KMT2C: variants seen among roughly 807,000 people sequenced by gnomAD.
The protein encoded by KMT2C is lysine methyltransferase 2C.
Under a neutral mutation model 507.9 loss-of-function variants are expected in KMT2C, and 88 were observed. The observed-to-expected ratio is 0.17, with a 90% CI of 0.15 to 0.21. KMT2C has a LOEUF of 0.21. Among genes scored for constraint, KMT2C ranks in the 10% least tolerant of loss-of-function variants. KMT2C has a pLI of 1.00. For synonymous variants in KMT2C, 2,049 were observed against 2,080.8 expected, an observed-to-expected ratio of 0.98 and a Z score of 0.42; for missense variants, 4,954 against 5,957.8, an observed-to-expected ratio of 0.83 and a Z score of 5.55.
chr7:152,220,587 G>T lies in KMT2C; in HGVS notation c.3648C>A (p.Val1216=), dbSNP rs140917164. Residue 1216 remains valine, a synonymous_variant, in exon 23 of 59, where the codon GTC becomes GTA. Transcript: ENST00000262189. ...LKIINQNSVA[V]LQTPPDIQSE... is the part of the protein sequence containing the mutation. ...ATTGGATGTCTGGAGGGGTCTGAAG[G>T]ACGGCCACGCTATTCTGATTTATAA... 6.2e-7 allele frequency: 1 copy of T among 1,611,892 alleles called. No individual in the cohort carries two copies. The highest frequency in any genetic ancestry group is 1.1e-5 in the South Asian group (1 of 90,990).
intron 31 of KMT2C, among the ~76,000 whole-genome samples, chr7:152,191,563 G>A (rs916902283): frequency 7.2e-5 from 11 of 151,874 alleles, no homozygotes; most frequent in Admixed American, 4.6e-4. Flanking sequence ...AATTCTTCTC[G>A]TCCCAAATTT....
intron 54 of KMT2C, 91 bp downstream of exon 54, chr7:152,145,054 AGACAGCAG>A (rs1428615448): frequency 1.4e-6 from 2 of 1,472,636 alleles, no homozygotes; most frequent in Non-Finnish European, 1.8e-6. Context: ...ATACACAGCC[AGACAGCAG>A]GGTTTGTAAG....
At chr7:152,228,834 T>C (rs1339708209) in intron 18 of KMT2C, among the ~76,000 whole-genome samples, 3 of 152,202 alleles carry the variant, frequency 2.0e-5, no homozygotes, top group Non-Finnish European at 2.9e-5. Context: ...TAATTGGCTT[T>C]ATATACTCTG....
At chr7:152,213,151 T>C (rs1299131177) in intron 23 of KMT2C, among the ~76,000 whole-genome samples, 1 of 152,256 alleles carries the variant, frequency 6.6e-6, no homozygotes, top group African/African-American at 2.4e-5. Flanking sequence ...CAAAGTGATC[T>C]ACAGATTCAA....
At chr7:152,200,600 C>A (rs944276985) in intron 26 of KMT2C, among the ~76,000 whole-genome samples, 7 of 152,042 alleles carry the variant, frequency 4.6e-5, no homozygotes, top group Non-Finnish European at 8.8e-5. Flanking sequence ...CATGCGCCAA[C>A]ATGCCTGTAA....
chr7:152,400,332 C>T (rs1044431463), intron 1 of KMT2C, among the ~76,000 whole-genome samples: 5 of 152,014 alleles, frequency 3.3e-5, no homozygotes, highest in Admixed American at 6.6e-5. Flanking sequence ...AAAGAAAGAT[C>T]ACTAAAGCCG....
chr7:152,302,428 T>TG (rs2096577799), intron 6 of KMT2C, among the ~76,000 whole-genome samples: 1 of 151,984 alleles, frequency 6.6e-6, no homozygotes, highest in Non-Finnish European at 1.5e-5. Context: ...TTCATCACAT[T>TG]GGCCAGGCTG....
intron 16 of KMT2C, among the ~76,000 whole-genome samples, chr7:152,235,508 T>C (rs1359671504): frequency 1.3e-5 from 2 of 151,984 alleles, no homozygotes; most frequent in Admixed American, 6.6e-5. Flanking sequence ...CATAACATGA[T>C]AGTAAGCAAA....
At chr7:152,420,866 A>G (rs1298994674) in intron 1 of KMT2C, among the ~76,000 whole-genome samples, 1 of 151,984 alleles carries the variant, frequency 6.6e-6, no homozygotes, top group Admixed American at 6.6e-5. Flanking sequence ...AGAATCTGTA[A>G]GGAACTTAAA....
intron 40 of KMT2C, among the ~76,000 whole-genome samples, chr7:152,170,926 C>T (rs1029444275): frequency 1.3e-5 from 2 of 152,078 alleles, no homozygotes; most frequent in African/African-American, 2.4e-5. Flanking sequence ...AAGTCCTGAG[C>T]GTGTGGTTTT....
At chr7:152,240,487 G>A (rs1179209319) in intron 14 of KMT2C, among the ~76,000 whole-genome samples, 12 of 152,250 alleles carry the variant, frequency 7.9e-5, no homozygotes, top group African/African-American at 2.7e-4. Flanking sequence ...TATCTACAAT[G>A]AGGGCATCTT....
chr7:152,206,369 G>A (rs1318300910), intron 24 of KMT2C, among the ~76,000 whole-genome samples: 1 of 151,920 alleles, frequency 6.6e-6, no homozygotes, highest in Non-Finnish European at 1.5e-5. Flanking sequence ...CTCATGATCA[G>A]GAAGAAATGA....
intron 14 of KMT2C, among the ~76,000 whole-genome samples, chr7:152,247,590 C>T (rs1288692517): frequency 2.0e-5 from 3 of 152,292 alleles, no homozygotes; most frequent in Non-Finnish European, 2.9e-5. Flanking sequence ...GTATTTTAGG[C>T]TCTATATTTA....
intron 2 of KMT2C, 118 bp from the exon 3 acceptor site, chr7:152,330,857 T>G (rs2096875598): frequency 1.1e-6 from 1 of 943,898 alleles, no homozygotes; most frequent in Non-Finnish European, 1.6e-6. Context: ...ATAACAATAT[T>G]TCACTAACAC....
intron 1 of KMT2C, among the ~76,000 whole-genome samples, chr7:152,385,859 G>A (rs917132802): frequency 2.5e-4 from 38 of 151,766 alleles, no homozygotes; most frequent in Admixed American, 6.6e-4. Context: ...AGGCTGAGGC[G>A]GGTGAATCAC....
chr7:152,342,217 T>C (rs548248517), intron 2 of KMT2C, among the ~76,000 whole-genome samples: 1 of 152,206 alleles, frequency 6.6e-6, no homozygotes, highest in Non-Finnish European at 1.5e-5. Context: ...ATCTAAGATT[T>C]TGATACATAA....
At chr7:152,186,825 G>A (rs1259329360) in intron 33 of KMT2C, among the ~76,000 whole-genome samples, 2 of 151,766 alleles carry the variant, frequency 1.3e-5, no homozygotes, top group African/African-American at 2.4e-5. Context: ...TTTTTCAAGA[G>A]GCAGTGGTAA....
rs2095512927 is a variant in KMT2C at position 152,248,540 on chromosome 7, A to G, written c.1894T>C (p.Ser632Pro). ...TCGCCACAAATATGCTTCACTTCAG[A>G]AGACATTTTCAGGTCTTCACTATCA... ...EVDSEDLKMS[S>P]EVKHICGEDQ... Residue 632 changes from serine (S) to proline (P), a missense_variant, in exon 14 of 59, where the codon TCT becomes CCT. By Grantham distance (74) the Ser-to-Pro change is moderately conservative. Coordinates refer to ENST00000262189, the MANE Select transcript of KMT2C (RefSeq NM_170606.3). The G allele has an allele frequency of 1.2e-6, 2 of 1,614,058 alleles. No individual in the cohort carries two copies. The highest frequency in any genetic ancestry group is 2.2e-5 in the East Asian group (1 of 44,866).
intron 1 of KMT2C, among the ~76,000 whole-genome samples, chr7:152,408,126 A>T (rs57891025): frequency 0.012 from 1,822 of 152,178 alleles, 38 homozygotes; most frequent in African/African-American, 0.042. Context: ...CGTTTCTACT[A>T]AAAATACAAA....
Sources: gnomAD v4.1 joint callset for allele counts (sites outside exome capture counted in the v4.1 genomes callset) on GRCh38, gnomAD v4.1.1 for gene constraint, MANE v1.5 for transcripts, NCBI Gene and HGNC (gene_info 2026-07-23, HGNC 2026-07-21) for gene names.